NEGR1: variants seen among roughly 807,000 people sequenced by gnomAD.
NEGR1 encodes the protein neuronal growth regulator 1, also known as IgLON family member 4.
A neutral mutation model predicts 40.9 loss-of-function variants in NEGR1; 10 were observed. The ratio of observed to expected loss-of-function variants is 0.24; its 90% confidence interval spans 0.15 to 0.42. The LOEUF is 0.42. Among genes scored for constraint, NEGR1 ranks in the 10% least tolerant of loss-of-function variants. NEGR1 has a pLI of 1.00. For synonymous variants in NEGR1, 185 were observed against 166.8 expected, an observed-to-expected ratio of 1.11 and a Z score of -0.84; for missense variants, 352 against 438.9, an observed-to-expected ratio of 0.80 and a Z score of 1.77.
intron 6 of NEGR1, among the ~76,000 whole-genome samples, chr1:71,458,200 T>C (rs1646688220): frequency 6.6e-6 from 1 of 152,342 alleles, no homozygotes; most frequent in East Asian, 1.9e-4. Flanking sequence ...TGAATGCAAA[T>C]TCCATTGCTC....
intron 1 of NEGR1, among the ~76,000 whole-genome samples, chr1:72,143,347 C>A (rs906977654): frequency 3.3e-5 from 5 of 151,844 alleles, no homozygotes; most frequent in Non-Finnish European, 7.4e-5. Context: ...GCCAGTCATG[C>A]CCAAATATTC....
At chr1:72,247,665 T>C (rs969836404) in intron 1 of NEGR1, among the ~76,000 whole-genome samples, 4 of 152,218 alleles carry the variant, frequency 2.6e-5, no homozygotes, top group African/African-American at 9.6e-5. Flanking sequence ...AACAAGTCTC[T>C]AAGAAGTTCC....
intron 4 of NEGR1, among the ~76,000 whole-genome samples, chr1:71,636,136 AC>A (rs1325077843): frequency 6.6e-6 from 1 of 152,086 alleles, no homozygotes; most frequent in Non-Finnish European, 1.5e-5. Flanking sequence ...GTTAGGGTAG[AC>A]CCACAAATAA....
intron 4 of NEGR1, among the ~76,000 whole-genome samples, chr1:71,696,678 T>C (rs1279496274): frequency 6.6e-6 from 1 of 151,840 alleles, no homozygotes; most frequent in Admixed American, 6.6e-5. Context: ...TTCAGAGAGT[T>C]CCAGAGGGAT....
chr1:71,722,209 A>G (rs1654531651), intron 3 of NEGR1, among the ~76,000 whole-genome samples: 1 of 152,126 alleles, frequency 6.6e-6, no homozygotes, highest in Non-Finnish European at 1.5e-5. Context: ...ACGAACTGAG[A>G]TGATGATTGT....
At chr1:71,795,105 A>G (rs1657273714) in intron 2 of NEGR1, among the ~76,000 whole-genome samples, 1 of 152,072 alleles carries the variant, frequency 6.6e-6, no homozygotes, top group Admixed American at 6.6e-5. Context: ...TGAGAAAATG[A>G]AAAATCACAC....
chr1:71,433,921 A>G (rs1056493512), intron 6 of NEGR1, among the ~76,000 whole-genome samples: 1 of 152,236 alleles, frequency 6.6e-6, no homozygotes, highest in African/African-American at 2.4e-5. Context: ...ATGTTTTACC[A>G]AAATATACTT....
At chr1:71,625,399 C>T (rs900174586) in intron 4 of NEGR1, among the ~76,000 whole-genome samples, 2 of 151,666 alleles carry the variant, frequency 1.3e-5, no homozygotes, top group East Asian at 1.9e-4. Flanking sequence ...AATAACAATA[C>T]AATAATAAAG....
intron 6 of NEGR1, among the ~76,000 whole-genome samples, chr1:71,477,192 T>TAATC (rs1350697249): frequency 4.3e-4 from 66 of 152,260 alleles, no homozygotes; most frequent in African/African-American, 1.6e-3. Context: ...CAACCTTGCT[T>TAATC]AATATTGGTA....
At chr1:72,276,312 C>T (rs1656046710) in intron 1 of NEGR1, among the ~76,000 whole-genome samples, 1 of 151,994 alleles carries the variant, frequency 6.6e-6, no homozygotes, top group Admixed American at 6.6e-5. Context: ...TCATTATCAC[C>T]TCAGATGTTA....
intron 1 of NEGR1, among the ~76,000 whole-genome samples, chr1:71,999,695 C>G (rs2801326): frequency 1.2e-5 from 1 of 86,572 alleles, no homozygotes; most frequent in Non-Finnish European, 2.4e-5. Context: ...ATATTTTTGT[C>G]CGGTCTCGGA....
intron 6 of NEGR1, among the ~76,000 whole-genome samples, chr1:71,491,041 T>TA (rs1290284826): frequency 6.6e-6 from 1 of 151,984 alleles, no homozygotes; most frequent in Non-Finnish European, 1.5e-5. Flanking sequence ...TAATGTTTAT[T>TA]AAAAAAATTC....
At chr1:72,060,564 C>G (rs80299043) in intron 1 of NEGR1, among the ~76,000 whole-genome samples, 4,951 of 151,556 alleles carry the variant, frequency 0.033, 113 homozygotes, top group Non-Finnish European at 0.052. Context: ...TTTTAATAAC[C>G]TCTTTATTTG....
At chr1:71,688,366 T>G (rs12407701) in intron 4 of NEGR1, among the ~76,000 whole-genome samples, 1 of 30,446 alleles carries the variant, frequency 3.3e-5, no homozygotes, top group African/African-American at 1.1e-4. Context: ...TATATATATA[T>G]GAGATATATA....
At chr1:72,266,753 A>T (rs189268591) in intron 1 of NEGR1, among the ~76,000 whole-genome samples, 1 of 150,476 alleles carries the variant, frequency 6.6e-6, no homozygotes, top group Non-Finnish European at 1.5e-5. Flanking sequence ...ACACACACAC[A>T]CACACACACA....
chr1:71,895,363 A>G (rs1660940843), intron 2 of NEGR1, among the ~76,000 whole-genome samples: 1 of 152,180 alleles, frequency 6.6e-6, no homozygotes, highest in African/African-American at 2.4e-5. Flanking sequence ...TGTGTGCACA[A>G]TTCAAAAGTT....
intron 5 of NEGR1, among the ~76,000 whole-genome samples, chr1:71,597,846 G>A (rs1011582322): frequency 6.6e-6 from 1 of 151,942 alleles, no homozygotes; most frequent in Non-Finnish European, 1.5e-5. Context: ...CCAGGAGGCG[G>A]AGGTTGCAGT....
In NEGR1 at chr1:71,726,394, G is replaced by A. The variant is rs142901177; in HGVS notation, c.536-28255C>T. 2.1e-4 allele frequency among the ~76,000 whole-genome samples: 32 copies of A among 152,150 alleles called. No individual in the cohort carries two copies. In the East Asian group the frequency reaches 5.2e-3, roughly 25 times the overall value. On this transcript the variant is annotated intron_variant, in intron 3 of 6. Coordinates refer to ENST00000357731, the MANE Select transcript of NEGR1 (RefSeq NM_173808.3). The stretch of plus-strand genomic sequence containing the variant: ...GCATTAAGCATGATTCTTTGCTTTC[G>A]AAGTGCTAGGAACTCAGTTTAAACT...
rs142688595 is a variant in NEGR1, at chr1:72,207,684, G to A, written c.176+74635C>T. Among the ~76,000 whole-genome samples the A allele has an allele frequency of 1.1e-4, 17 of 151,764 alleles. No homozygotes were observed. The East Asian group carries it at 3.3e-3, about 29-fold the overall frequency. The stretch of plus-strand genomic sequence containing the variant: ...TGGGAAAGTTGTTTGTTGGAAAAAC[G>A]TTGAGACATACTGGATTTAATGTAT... On this transcript the variant is annotated intron_variant, in intron 1 of 6. Coordinates refer to ENST00000357731, the MANE Select transcript of NEGR1 (RefSeq NM_173808.3).
Sources: gnomAD v4.1 joint callset for allele counts (sites outside exome capture counted in the v4.1 genomes callset) on GRCh38, gnomAD v4.1.1 for gene constraint, MANE v1.5 for transcripts, NCBI Gene and HGNC (gene_info 2026-07-23, HGNC 2026-07-21) for gene names.